Variants in KATNIP observed in about 807,000 individuals in gnomAD.
KATNIP encodes katanin-interacting protein.
KATNIP carries 126 observed loss-of-function variants against 174.0 expected under a neutral mutation model. That is an observed-to-expected ratio of 0.72 (90% CI 0.63 to 0.84). The LOEUF (loss-of-function observed/expected upper bound fraction) is 0.84. Ranked by LOEUF, KATNIP falls within the 40% of genes least tolerant of loss-of-function variation. The pLI, the probability that KATNIP is intolerant of heterozygous loss-of-function variation, is 0.00. For synonymous variants in KATNIP, 810 were observed against 835.7 expected, an observed-to-expected ratio of 0.97 and a Z score of 0.53; for missense variants, 1,958 against 2,109.7, an observed-to-expected ratio of 0.93 and a Z score of 1.41.
In KATNIP at chr16:27,699,459, C is replaced by T. The variant is rs989498204; in HGVS notation, c.1114-75C>T. 4.4e-6 allele frequency: 7 copies of T among 1,590,482 alleles called. No homozygotes were observed. In the Admixed American group the frequency reaches 5.3e-5, roughly 12 times the overall value. On this transcript the variant is annotated intron_variant, in intron 9 of 27. Transcript: ENST00000261588. ...GAGAAGGTCCCTGCCCTTTTCTGTG[C>T]CCTCATCTTTCTGTGAACAGCATGG...
Position 27,664,702 on chromosome 16 carries a change from A to G in KATNIP, c.541-13027A>G, listed in dbSNP as rs116647649. 9.5e-3 allele frequency among the ~76,000 whole-genome samples: 1,453 copies of G among 152,328 alleles called. 23 individuals are homozygous for G. Among genetic ancestry groups the G allele is most frequent in the African/African-American group, 0.034 (1,403 of 41,578 alleles). On this transcript the variant is annotated intron_variant, in intron 6 of 27. Coordinates refer to ENST00000261588, the MANE Select transcript of KATNIP (RefSeq NM_015202.5). ...TTTGTTTTTGCCTTATATATTTCAA[A>G]TATCTGTCATTCTTTGCATATAGAG...
At chr16:27,763,286 CAAAAAAA>C (rs1475329526) in intron 19 of KATNIP, among the ~76,000 whole-genome samples, 1 of 129,394 alleles carries the variant, frequency 7.7e-6, no homozygotes. Context: ...TATGTCTCTA[CAAAAAAA>C]AATAAAAAAT....
chr16:27,775,624 T>C (rs2082468320), intron 24 of KATNIP, among the ~76,000 whole-genome samples: 1 of 152,228 alleles, frequency 6.6e-6, no homozygotes, highest in Non-Finnish European at 1.5e-5. Flanking sequence ...CTTTTAGCTC[T>C]GAGGCCTCAT....
chr16:27,636,756 C>T (rs2076649184), intron 5 of KATNIP, among the ~76,000 whole-genome samples: 1 of 152,244 alleles, frequency 6.6e-6, no homozygotes, highest in Non-Finnish European at 1.5e-5. Context: ...GCCATGTAAC[C>T]TCTGTGAGCT....
At chr16:27,721,386 C>T (rs541758802) in intron 13 of KATNIP, among the ~76,000 whole-genome samples, 172 bp from the exon 14 acceptor site, 22 of 152,124 alleles carry the variant, frequency 1.4e-4, no homozygotes, top group Non-Finnish European at 2.6e-4. Flanking sequence ...GCCGTCCAGA[C>T]GGGGTGATCT....
At chr16:27,718,045 A>G (rs2080036537) in intron 13 of KATNIP, among the ~76,000 whole-genome samples, 1 of 152,204 alleles carries the variant, frequency 6.6e-6, no homozygotes. Context: ...CTCTGTCTAA[A>G]TAAGCTACTT....
chr16:27,589,500 C>T (rs1296353401), intron 2 of KATNIP, among the ~76,000 whole-genome samples: 1 of 152,134 alleles, frequency 6.6e-6, no homozygotes, highest in Non-Finnish European at 1.5e-5. Context: ...TTACCCTTGG[C>T]CTAAATAATA....
At chr16:27,590,575 G>A (rs755536869) in intron 2 of KATNIP, among the ~76,000 whole-genome samples, 1 of 152,190 alleles carries the variant, frequency 6.6e-6, no homozygotes, top group South Asian at 2.1e-4. Context: ...TGAGCACAGG[G>A]TCTCTTTTTT....
intron 2 of KATNIP, 140 bp downstream of exon 2, chr16:27,574,096 G>A (rs1371063485): frequency 2.9e-6 from 2 of 682,418 alleles, no homozygotes; most frequent in Non-Finnish European, 5.1e-6. Context: ...AAATGATAGT[G>A]AGCAACTAGA....
Position 27,599,898 on chromosome 16 carries a change from T to C in KATNIP, c.64-18527T>C, listed in dbSNP as rs572494476. 3.3e-5 allele frequency among the ~76,000 whole-genome samples: 5 copies of C among 152,332 alleles called. No individual in the cohort carries two copies. The East Asian group carries it at 7.7e-4, about 24-fold the overall frequency. On this transcript the variant is annotated intron_variant, in intron 2 of 27. Transcript: ENST00000261588. ...CTTCTGCTCTGTGCTCATGTGCGTCTGCTGCCTTAGCACGCCTCCACTTTG... is the reference window on the plus strand; with the variant it reads ...CTTCTGCTCTGTGCTCATGTGCGTCCGCTGCCTTAGCACGCCTCCACTTTG...
chr16:27,629,577 T>C (rs2076428487), intron 4 of KATNIP, among the ~76,000 whole-genome samples: 2 of 152,192 alleles, frequency 1.3e-5, no homozygotes, highest in African/African-American at 2.4e-5. Flanking sequence ...GAAGCTTGTG[T>C]GTAATAGAAA....
At chr16:27,677,521 TAAC>T (rs2078165718) in intron 6 of KATNIP, among the ~76,000 whole-genome samples, 1 of 151,938 alleles carries the variant, frequency 6.6e-6, no homozygotes, top group Non-Finnish European at 1.5e-5. Context: ...CAGTTAATAT[TAAC>T]AACATTGCTC....
At chr16:27,610,823 T>C (rs530430984) in intron 2 of KATNIP, among the ~76,000 whole-genome samples, 1 of 152,292 alleles carries the variant, frequency 6.6e-6, no homozygotes, top group South Asian at 2.1e-4. Flanking sequence ...ACCTCTCTGC[T>C]CACTGAGATA....
chr16:27,654,722 A>C, intron 6 of KATNIP: 1 of 1,351,958 alleles, frequency 7.4e-7, no homozygotes, highest in Non-Finnish European at 9.8e-7. Flanking sequence ...CCTCTTAACT[A>C]TTCAGGATGT....
chr16:27,717,308 C>T (rs2079997587), intron 13 of KATNIP, among the ~76,000 whole-genome samples: 1 of 152,136 alleles, frequency 6.6e-6, no homozygotes, highest in Admixed American at 6.5e-5. Flanking sequence ...CTGAGGGCAG[C>T]GCAGTATCTC....
In KATNIP at chr16:27,749,717, C is replaced by G; in HGVS notation, c.2757C>G (p.Leu919=). 4 of 1,613,540 alleles carry G rather than the reference C, an allele frequency of 2.5e-6. No homozygotes were observed. Among genetic ancestry groups the G allele is most frequent in the Non-Finnish European group, 3.4e-6 (4 of 1,179,744 alleles). Residue 919 remains leucine, a synonymous_variant, in exon 16 of 28, where the codon CTC becomes CTG. Coordinates refer to ENST00000261588, the MANE Select transcript of KATNIP (RefSeq NM_015202.5). The part of the protein sequence containing the change: ...SHRGRISNTE[L]PGDILDELLQ... ...GGGGACGCATCTCCAACACGGAGCT[C>G]CCGGGGGACATCCTGGATGAGCTCC... is the stretch of plus-strand genomic sequence containing the variant.
At position 27,708,016 on chromosome 16, in the gene KATNIP, C is replaced by T. The variant is rs559985942; in HGVS notation, c.1390-689C>T. On this transcript the variant is annotated intron_variant, in intron 12 of 27. Transcript: ENST00000261588. ...ATTAATTTGGAAGGGATAAATTCAG[C>T]CCGTAACCTTTTTTTTTTTTTTTTG... is the stretch of plus-strand genomic sequence containing the variant. Among the ~76,000 whole-genome samples, 473 of 149,878 alleles carry T rather than the reference C, an allele frequency of 3.2e-3. 2 individuals carry two copies. Among genetic ancestry groups the T allele is most frequent in the Non-Finnish European group, 4.9e-3 (331 of 67,698 alleles).
intron 15 of KATNIP, among the ~76,000 whole-genome samples, chr16:27,748,149 C>G (rs978911535): frequency 1.3e-5 from 2 of 152,212 alleles, no homozygotes; most frequent in East Asian, 3.9e-4. Flanking sequence ...CACGCCGTGG[C>G]TCTCATGTTC....
chr16:27,606,241 A>G (rs1202729144), intron 2 of KATNIP, among the ~76,000 whole-genome samples: 1 of 152,172 alleles, frequency 6.6e-6, no homozygotes. Context: ...GAATAGAGGA[A>G]CTGGCACTTG....
Sources: gnomAD v4.1 joint callset for allele counts (sites outside exome capture counted in the v4.1 genomes callset) on GRCh38, gnomAD v4.1.1 for gene constraint, MANE v1.5 for transcripts, NCBI Gene and HGNC (gene_info 2026-07-23, HGNC 2026-07-21) for gene names.